The following CYP4F22 variants were observed in gnomAD, a reference collection of about 807,000 sequenced individuals.
CYP4F22 encodes the protein cytochrome P450 family 4 subfamily F member 22, also known as ultra-long-chain fatty acid omega-hydroxylase.
In CYP4F22, 37 loss-of-function variants were observed where a neutral mutation model predicts 60.4. The observed-to-expected ratio is 0.61, with a 90% confidence interval of 0.47 to 0.81. The LOEUF (loss-of-function observed/expected upper bound fraction) is 0.81, where lower values mean the gene tolerates loss of function less well. CYP4F22 is among the 30% of genes least tolerant of loss of function. CYP4F22 has a pLI of 0.00. For synonymous variants in CYP4F22, 258 were observed against 280.5 expected, an observed-to-expected ratio of 0.92 and a Z score of 0.80; for missense variants, 655 against 715.0, an observed-to-expected ratio of 0.92 and a Z score of 0.96.
At chr19:15,526,424 G>A (rs1971283759) in intron 3 of CYP4F22, among the ~76,000 whole-genome samples, 1 of 152,158 alleles carries the variant, frequency 6.6e-6, no homozygotes, top group Non-Finnish European at 1.5e-5. Flanking sequence ...GAACTCCTAA[G>A]CTCAAGCAAT....
chr19:15,538,525 C>T (rs1039334132), intron 7 of CYP4F22, among the ~76,000 whole-genome samples: 4 of 152,196 alleles, frequency 2.6e-5, no homozygotes, highest in Admixed American at 6.6e-5. Flanking sequence ...ATTCATTGTG[C>T]ACCTACTACG....
chr19:15,543,507 A>G (rs1473598873), intron 8 of CYP4F22, among the ~76,000 whole-genome samples: 3 of 152,032 alleles, frequency 2.0e-5, no homozygotes, highest in Non-Finnish European at 1.5e-5. Flanking sequence ...CATCTTTATT[A>G]GACAAGTTGC....
chr19:15,515,368 C>A, intron 1 of CYP4F22: 1 of 1,230,196 alleles, frequency 8.1e-7, no homozygotes, highest in South Asian at 1.2e-5. Flanking sequence ...AGACATTGAT[C>A]CATTTCCTGT....
intron 4 of CYP4F22, 45 bp downstream of exon 4, chr19:15,529,898 C>T: frequency 6.2e-7 from 1 of 1,612,306 alleles, no homozygotes; most frequent in Non-Finnish European, 8.5e-7. Flanking sequence ...CCTCAACTCC[C>T]AGAGCCTATC....
chr19:15,545,409 A>G (rs1971510533), intron 10 of CYP4F22, among the ~76,000 whole-genome samples: 1 of 152,050 alleles, frequency 6.6e-6, no homozygotes, highest in Non-Finnish European at 1.5e-5. Flanking sequence ...GCACTTTGGG[A>G]GGCCGAGGGG....
At chr19:15,514,670 TGAAAGAAA>T (rs1035313039) in intron 1 of CYP4F22, among the ~76,000 whole-genome samples, 3 of 151,070 alleles carry the variant, frequency 2.0e-5, no homozygotes, top group African/African-American at 7.3e-5. Context: ...GACTTTGTCT[TGAAAGAAA>T]GAAAGAAAGA....
rs1273522 is a variant in CYP4F22 at position 15,530,161 on chromosome 19, G to A, written c.367+308G>A. Among the ~76,000 whole-genome samples the A allele has an allele frequency of 0.59, 89,354 of 152,068 alleles. 27,560 individuals carry two copies. Among genetic ancestry groups the A allele is most frequent in the African/African-American group, 0.74 (30,923 of 41,532 alleles). On this transcript the variant is annotated intron_variant, in intron 4 of 13. Coordinates refer to ENST00000269703, the MANE Select transcript of CYP4F22 (RefSeq NM_173483.4). ...AGTAAGTGTTACTCAATCCCTGGCC[G>A]TGGCACGCCCATCATTTGGTTCTGA...
intron 4 of CYP4F22, among the ~76,000 whole-genome samples, chr19:15,533,739 T>C (rs1971368113): frequency 6.6e-6 from 1 of 152,008 alleles, no homozygotes; most frequent in Non-Finnish European, 1.5e-5. Flanking sequence ...TAGCTGGAAC[T>C]GCAGGCACGC....
intron 2 of CYP4F22, among the ~76,000 whole-genome samples, chr19:15,524,590 G>A (rs562977871): frequency 6.6e-6 from 1 of 152,070 alleles, no homozygotes; most frequent in Non-Finnish European, 1.5e-5. Flanking sequence ...GGTTAAAGCT[G>A]CAGTGAGCCG....
intron 12 of CYP4F22, among the ~76,000 whole-genome samples, chr19:15,550,362 G>T (rs1019558563): frequency 6.6e-6 from 1 of 152,216 alleles, no homozygotes; most frequent in African/African-American, 2.4e-5. Context: ...ACTTTAGCTC[G>T]AGTGGTTATG....
intron 12 of CYP4F22, 60 bp from the exon 13 acceptor site, chr19:15,550,614 G>A: frequency 6.4e-7 from 1 of 1,570,754 alleles, no homozygotes; most frequent in Non-Finnish European, 8.8e-7. Context: ...TCAGGGAAGG[G>A]GGCCAGGCTG....
At chr19:15,513,897 GTAAT>G (rs1971124513) in intron 1 of CYP4F22, among the ~76,000 whole-genome samples, 1 of 152,178 alleles carries the variant, frequency 6.6e-6, no homozygotes, top group African/African-American at 2.4e-5. Context: ...TAATCGAGAT[GTAAT>G]TAATAGTATC....
chr19:15,545,795 G>A (rs78688446), intron 10 of CYP4F22, among the ~76,000 whole-genome samples: 5,834 of 152,062 alleles, frequency 0.038, 367 homozygotes, highest in African/African-American at 0.13. Flanking sequence ...AGGGGGACAT[G>A]CTCAGTGGGG....
chr19:15,521,286 C>T (rs1157061581), intron 1 of CYP4F22, among the ~76,000 whole-genome samples: 2 of 142,230 alleles, frequency 1.4e-5, no homozygotes, highest in African/African-American at 5.3e-5. Context: ...GGCTGGAGTG[C>T]AGTGGTTCGA....
chr19:15,541,920 C>A (rs888722278), intron 8 of CYP4F22, among the ~76,000 whole-genome samples: 33 of 150,754 alleles, frequency 2.2e-4, no homozygotes, highest in Admixed American at 1.9e-3. Flanking sequence ...AGAGATGAGA[C>A]ACTTCTATGG....
chr19:15,543,934 A>G (rs1405930236), intron 8 of CYP4F22, 37 bp from the exon 9 acceptor site: 5 of 1,610,296 alleles, frequency 3.1e-6, no homozygotes, highest in Non-Finnish European at 4.2e-6. Flanking sequence ...GGAGGGTGGG[A>G]TGAAGTGGGC....
chr19:15,524,724 C>T (rs1450203101), intron 2 of CYP4F22, among the ~76,000 whole-genome samples: 2 of 151,778 alleles, frequency 1.3e-5, no homozygotes, highest in Admixed American at 6.6e-5. Flanking sequence ...GAAAGAAGTC[C>T]TGAAACTAGA....
At chr19:15,537,317 A>G in intron 4 of CYP4F22, 44 bp from the exon 5 acceptor site, 19 of 1,613,038 alleles carry the variant, frequency 1.2e-5, no homozygotes, top group East Asian at 2.2e-5. Flanking sequence ...CAAAAAACCA[A>G]AAAACTCTGT....
chr19:15,519,226 G>C (rs1204978233), intron 1 of CYP4F22, among the ~76,000 whole-genome samples: 1 of 151,972 alleles, frequency 6.6e-6, no homozygotes, highest in Non-Finnish European at 1.5e-5. Flanking sequence ...TACAAACCGG[G>C]TGAAGAAAGA....
Sources: gnomAD v4.1 joint callset for allele counts (sites outside exome capture counted in the v4.1 genomes callset) on GRCh38, gnomAD v4.1.1 for gene constraint, MANE v1.5 for transcripts, NCBI Gene and HGNC (gene_info 2026-07-23, HGNC 2026-07-21) for gene names.